DACH1: variants seen among roughly 807,000 people sequenced by gnomAD.
The protein encoded by DACH1 is dachshund homolog 1.
A neutral mutation model predicts 54.2 loss-of-function variants in DACH1; 12 were observed. The observed-to-expected ratio is 0.22, with a 90% CI of 0.14 to 0.36. The LOEUF (loss-of-function observed/expected upper bound fraction) is 0.36, where lower values mean the gene tolerates loss of function less well. DACH1 is among the 10% of genes least tolerant of loss of function. DACH1 has a pLI of 1.00. For missense variants in DACH1, 805 were observed against 929.8 expected (o/e 0.87, Z 1.75); for synonymous variants, 386 against 366.2 (o/e 1.05, Z -0.62).
intron 10 of DACH1, among the ~76,000 whole-genome samples, chr13:71,462,903 CACACACACACACAT>C (rs879789918): frequency 6.7e-4 from 63 of 93,338 alleles, no homozygotes; most frequent in South Asian, 2.4e-3. Flanking sequence ...CACACACACA[CACACACACACACAT>C]AAACCATGAA....
chr13:71,647,701 C>A (rs1271060432), intron 2 of DACH1, among the ~76,000 whole-genome samples: 1 of 152,000 alleles, frequency 6.6e-6, no homozygotes, highest in Non-Finnish European at 1.5e-5. Context: ...AATGGGAATA[C>A]CTGAATCAAG....
At chr13:71,625,467 T>G (rs1876577418) in intron 3 of DACH1, among the ~76,000 whole-genome samples, 2 of 152,022 alleles carry the variant, frequency 1.3e-5, no homozygotes, top group Admixed American at 1.3e-4. Context: ...TGGTTAAAAT[T>G]AAAGAAAGAT....
At chr13:71,685,956 CTT>C (rs1881138529) in intron 1 of DACH1, among the ~76,000 whole-genome samples, 1 of 152,088 alleles carries the variant, frequency 6.6e-6, no homozygotes, top group Non-Finnish European at 1.5e-5. Context: ...AAAACAAAAA[CTT>C]AACTGAAAAG....
intron 1 of DACH1, among the ~76,000 whole-genome samples, chr13:71,794,459 G>A (rs1254521218): frequency 6.6e-6 from 1 of 152,082 alleles, no homozygotes; most frequent in African/African-American, 2.4e-5. Context: ...TATTTATTGA[G>A]ATGGAGTCTT....
At chr13:71,487,020 A>ATT (rs565749518) in intron 7 of DACH1, among the ~76,000 whole-genome samples, 1 of 147,142 alleles carries the variant, frequency 6.8e-6, no homozygotes, top group South Asian at 2.2e-4. Context: ...AATTTTTTGT[A>ATT]TTTTTTTTTT....
At chr13:71,482,681 T>C (rs909011007) in intron 7 of DACH1, among the ~76,000 whole-genome samples, 1 of 152,192 alleles carries the variant, frequency 6.6e-6, no homozygotes, top group Non-Finnish European at 1.5e-5. Flanking sequence ...ATTATTCTTT[T>C]AATGTTTCCC....
chr13:71,568,423 TA>T, intron 4 of DACH1, among the ~76,000 whole-genome samples: 1 of 151,878 alleles, frequency 6.6e-6, no homozygotes, highest in Middle Eastern at 3.4e-3. Flanking sequence ...GTGACTTCAA[TA>T]AAAAGAAGGC....
At chr13:71,550,695 C>T (rs942562044) in intron 6 of DACH1, among the ~76,000 whole-genome samples, 5 of 152,040 alleles carry the variant, frequency 3.3e-5, no homozygotes, top group Admixed American at 6.6e-5. Context: ...AGCTGAGCTA[C>T]GGCTTTGCAT....
At chr13:71,748,197 C>G (rs1566476137) in intron 1 of DACH1, among the ~76,000 whole-genome samples, 1 of 151,334 alleles carries the variant, frequency 6.6e-6, no homozygotes, top group Non-Finnish European at 1.5e-5. Context: ...GGAGCAAGCT[C>G]CAAACAATGT....
chr13:71,621,587 G>T (rs192422550), intron 3 of DACH1, among the ~76,000 whole-genome samples: 1 of 152,080 alleles, frequency 6.6e-6, no homozygotes, highest in Non-Finnish European at 1.5e-5. Context: ...TTCTAACCAA[G>T]AAATCTTTTG....
intron 6 of DACH1, among the ~76,000 whole-genome samples, chr13:71,496,318 A>C (rs1421377386): frequency 1.5e-5 from 2 of 129,350 alleles, no homozygotes; most frequent in African/African-American, 5.9e-5. Context: ...CACACACAAA[A>C]AGATATGCAA....
chr13:71,788,644 T>C (rs1351974997), intron 1 of DACH1, among the ~76,000 whole-genome samples: 2 of 152,076 alleles, frequency 1.3e-5, no homozygotes, highest in Non-Finnish European at 2.9e-5. Context: ...TAAAATACAT[T>C]GTTACTTTTA....
chr13:71,603,674 T>C (rs778262027), intron 3 of DACH1, among the ~76,000 whole-genome samples: 1 of 152,000 alleles, frequency 6.6e-6, no homozygotes, highest in Non-Finnish European at 1.5e-5. Context: ...TTTTAAAATA[T>C]TATATGTTGG....
intron 1 of DACH1, among the ~76,000 whole-genome samples, chr13:71,770,909 T>C (rs1053175598): frequency 1.3e-5 from 2 of 151,550 alleles, no homozygotes; most frequent in East Asian, 1.9e-4. Flanking sequence ...TCTCATTAGA[T>C]TGGAATTTGT....
chr13:71,572,164 G>A (rs1042650473), intron 4 of DACH1, among the ~76,000 whole-genome samples: 6 of 151,762 alleles, frequency 4.0e-5, no homozygotes, highest in Non-Finnish European at 5.9e-5. Flanking sequence ...GCCAGACAAC[G>A]CAGTTAAAAT....
chr13:71,570,939 T>C (rs879545331), intron 4 of DACH1, among the ~76,000 whole-genome samples: 1 of 152,322 alleles, frequency 6.6e-6, no homozygotes, highest in Admixed American at 6.5e-5. Context: ...AATATGTGTA[T>C]ATTGCAAAAT....
intron 3 of DACH1, among the ~76,000 whole-genome samples, chr13:71,597,948 T>A (rs1216013131): frequency 6.6e-6 from 1 of 151,588 alleles, no homozygotes; most frequent in African/African-American, 2.4e-5. Flanking sequence ...GAAACCACAT[T>A]TCTACCAAAA....
chr13:71,855,330 T>C (rs1275778480), intron 1 of DACH1, among the ~76,000 whole-genome samples: 2 of 152,080 alleles, frequency 1.3e-5, no homozygotes, highest in African/African-American at 4.8e-5. Flanking sequence ...CATATACATG[T>C]GTTGCCTTAC....
At chr13:71,500,103 A>C (rs1391081441) in intron 6 of DACH1, among the ~76,000 whole-genome samples, 1 of 152,184 alleles carries the variant, frequency 6.6e-6, no homozygotes, top group African/African-American at 2.4e-5. Context: ...GGATGGTGGA[A>C]AAAGCAGGAA....
Sources: gnomAD v4.1 joint callset for allele counts (sites outside exome capture counted in the v4.1 genomes callset) on GRCh38, gnomAD v4.1.1 for gene constraint, MANE v1.5 for transcripts, NCBI Gene and HGNC (gene_info 2026-07-23, HGNC 2026-07-21) for gene names.